The following PLEKHG6 variants were observed in gnomAD, a reference collection of about 807,000 sequenced individuals.
PLEKHG6 encodes the protein pleckstrin homology and RhoGEF domain containing G6, also known as pleckstrin homology domain-containing family G member 6.
Under a neutral mutation model 97.5 loss-of-function variants are expected in PLEKHG6, and 91 were observed. The ratio of observed to expected loss-of-function variants is 0.93; its 90% CI spans 0.79 to 1.11. The LOEUF (loss-of-function observed/expected upper bound fraction) is 1.11, where lower values mean the gene tolerates loss of function less well. Ranked by LOEUF, PLEKHG6 falls within the 50% of genes most tolerant of loss-of-function variation. The pLI, the probability that PLEKHG6 is intolerant of heterozygous loss-of-function variation, is 0.00. For synonymous variants in PLEKHG6, 466 were observed against 425.5 expected (o/e 1.10, Z -1.17); for missense variants, 1,044 against 1,031.0 (o/e 1.01, Z -0.17).
At position 6,327,856 on chromosome 12, in the gene PLEKHG6, G is replaced by C. The variant is rs778176627; in HGVS notation, c.2273G>C (p.Arg758Pro). 1.3e-6 allele frequency: 2 copies of C among 1,503,650 alleles called. No individual in the cohort carries two copies. Among genetic ancestry groups the C allele is most frequent in the Admixed American group, 2.3e-5 (1 of 42,662 alleles). The allele number at this position is 1,503,650 out of a possible 1,614,324, so 93.1% of individuals were successfully genotyped here. The change falls in exon 15 of 16, where the codon CGG (arginine) becomes CCG (proline). Residue 758 changes from arginine to proline, a missense_variant. Physicochemically the swap from Arg to Pro is moderately radical, Grantham distance 103. Transcript: ENST00000684764. ...SQRIEGAEEP[R>P]DSRPRKLTRA... is the part of the protein sequence containing the mutation. ...AGGATTGAGGGGGCCGAGGAGCCCCGGGACAGCAGGCCACGGAAGCTGACT... is the reference window on the plus strand; with the variant it reads ...AGGATTGAGGGGGCCGAGGAGCCCCCGGACAGCAGGCCACGGAAGCTGACT...
In PLEKHG6 at chr12:6,327,923, G is replaced by T; in HGVS notation, c.2340G>T (p.Gln780His). ...GGATGCGGGGGCCCCACATCATTCA[G>T]CTGGACACCCCTCTGTCCGCATCGT... The part of the protein sequence containing the change: ...LQRMRGPHII[Q>H]LDTPLSASEV The change falls in exon 15 of 16, where the codon CAG becomes CAT. Residue 780 changes from glutamine to histidine, a missense_variant. Transcript: ENST00000684764. 6.7e-7 allele frequency: 1 copy of T among 1,482,994 alleles called. No individual in the cohort carries two copies. The allele number at this position is 1,482,994 out of a possible 1,614,324, so 91.9% of individuals were successfully genotyped here.
intron 2 of PLEKHG6, chr12:6,312,791 A>G: frequency 8.4e-7 from 1 of 1,197,296 alleles, no homozygotes; most frequent in African/African-American, 1.5e-5. Context: ...AGTGGTGGGT[A>G]GGGACAGGAG....
At position 6,315,959 on chromosome 12, in the gene PLEKHG6, C is replaced by A. The variant is rs1947443215; in HGVS notation, c.606+40C>A. 6 of 1,526,108 alleles carry A rather than the reference C, an allele frequency of 3.9e-6. No homozygotes were observed. Among genetic ancestry groups the A allele is most frequent in the Non-Finnish European group, 5.3e-6 (6 of 1,124,216 alleles). 94.5% of individuals were successfully genotyped at this position (1,526,108 alleles called of 1,614,324 possible). On this transcript the variant is annotated intron_variant, in intron 6 of 15. Coordinates refer to ENST00000684764, the MANE Select transcript of PLEKHG6 (RefSeq NM_001384598.1). This position sits in a 1 kb window ranked among gnomAD's most constrained non-coding sequence, Gnocchi z 4.5. Reference sequence around the variant, plus strand: ...AGGAGGGGACCCTGGCACAGCCCGACCTCTGAGCCTGGGGATGAGGGTGGG... The same window carrying A: ...AGGAGGGGACCCTGGCACAGCCCGAACTCTGAGCCTGGGGATGAGGGTGGG...
chr12:6,313,750 TG>T lies in PLEKHG6; in HGVS notation c.265del (p.Ala89LeufsTer20). 6.2e-7 allele frequency: 1 copy of T among 1,606,542 alleles called. No individual in the cohort carries two copies. The highest frequency in any genetic ancestry group is 8.5e-7 in the Non-Finnish European group (1 of 1,176,490). ...CCCGAGAAGAGGCACGGGGGCCATGTGGGGGCTGGCCTGCTTCACTCCCCCA... is the reference window on the plus strand; with the variant it reads ...CCCGAGAAGAGGCACGGGGGCCATGTGGGGCTGGCCTGCTTCACTCCCCCA... ...PEPEKRHGGH[V>X]GAGLLHSPKL... is the part of the protein sequence containing the mutation. On this transcript the variant is annotated frameshift_variant, in exon 3 of 16. Transcript: ENST00000684764. LOFTEE classifies it high-confidence loss of function.
In PLEKHG6 at chr12:6,315,744, C is replaced by G. The variant is rs993042110; in HGVS notation, c.555+95C>G. 1 of 1,202,330 alleles carries G rather than the reference C, an allele frequency of 8.3e-7. No homozygotes were observed. The highest frequency in any genetic ancestry group is 1.5e-5 in the African/African-American group (1 of 66,302). 74.5% of individuals were successfully genotyped at this position (1,202,330 alleles called of 1,614,324 possible). A position where few individuals can be genotyped will look rare whatever the true frequency, so the allele number is the denominator to read the frequency against. On this transcript the variant is annotated intron_variant, in intron 5 of 15. Coordinates refer to ENST00000684764, the MANE Select transcript of PLEKHG6 (RefSeq NM_001384598.1). The surrounding 1 kb of genome is among the most constrained non-coding windows in gnomAD (Gnocchi z 4.5). ...GGCAGGTCACTGGGGGAGGGAGGGG[C>G]AGGATTTCAGGCCAGTCTGGGATGC...
In PLEKHG6 at chr12:6,327,695, C is replaced by CG; in HGVS notation, c.2116dup (p.Glu706GlyfsTer31). 3 of 1,560,376 alleles carry CG rather than the reference C, an allele frequency of 1.9e-6. No homozygotes were observed. Among genetic ancestry groups the CG allele is most frequent in the South Asian group, 1.2e-5 (1 of 84,188 alleles). ...CCTCCCCAACCCATGCTGACTCTGCCGGGGAAAGCCCCTGGGAGTCCTCAG... is the reference window on the plus strand; with the variant it reads ...CCTCCCCAACCCATGCTGACTCTGCCGGGGGAAAGCCCCTGGGAGTCCTCAG... On this transcript the variant is annotated frameshift_variant, in exon 15 of 16. Transcript: ENST00000684764. LOFTEE classifies it high-confidence loss of function.
rs1171442974 is a variant in PLEKHG6 at position 6,318,380 on chromosome 12, T to C, written c.1235T>C (p.Leu412Pro). 1.2e-6 allele frequency: 2 copies of C among 1,612,478 alleles called. No homozygotes were observed. The highest frequency in any genetic ancestry group is 1.7e-6 in the Non-Finnish European group (2 of 1,179,430). Reference sequence around the variant, plus strand: ...TCTGAGCACACCAGACAGCTGCTGCTGGAGGGGCCTGTGCGAGTGAAGGAG... The same window carrying C: ...TCTGAGCACACCAGACAGCTGCTGCCGGAGGGGCCTGTGCGAGTGAAGGAG... ...VASEHTRQLLLEGPVRVKEGR... is the reference protein window; with the variant it reads ...VASEHTRQLLPEGPVRVKEGR... Residue 412 changes from leucine (L) to proline (P), a missense_variant, in exon 11 of 16, where the codon CTG becomes CCG. Leu to Pro is a moderately conservative substitution (Grantham distance 98). Transcript: ENST00000684764.
Position 6,315,663 on chromosome 12 carries a change from AGCCCCAGCCCCG to A in PLEKHG6, c.555+21_555+32del. On this transcript the variant is annotated intron_variant, in intron 5 of 15. Coordinates refer to ENST00000684764, the MANE Select transcript of PLEKHG6 (RefSeq NM_001384598.1). This position sits in a 1 kb window ranked among gnomAD's most constrained non-coding sequence, Gnocchi z 4.5. The stretch of plus-strand genomic sequence containing the variant: ...ATCATGACTGATGTGAGCCCCCCTC[AGCCCCAGCCCCG>A]GCCCCATCTTCCCTGCATGAGCCCC... The A allele has an allele frequency of 6.6e-7, 1 of 1,514,542 alleles. No individual in the cohort carries two copies. Among genetic ancestry groups the A allele is most frequent in the Non-Finnish European group, 9.1e-7 (1 of 1,102,866 alleles). 93.8% of individuals were successfully genotyped at this position (1,514,542 alleles called of 1,614,324 possible).
rs942845911 is a variant in PLEKHG6, at chr12:6,328,403, C to T, written c.*258C>T. On this transcript the variant is annotated 3_prime_UTR_variant, in exon 16 of 16. Transcript: ENST00000684764. ...GGCATGGCTGCCTGTAATCCCAGCA[C>T]TTTGGGAGGCTGAGGTGGGAGGATC... The T allele has an allele frequency of 6.6e-6, 3 of 454,466 alleles. No homozygotes were observed. Among genetic ancestry groups the T allele is most frequent in the South Asian group, 6.7e-5 (2 of 29,824 alleles). 28.2% of individuals were successfully genotyped at this position (454,466 alleles called of 1,614,324 possible).
At chr12:6,312,472 C>T in intron 2 of PLEKHG6, 108 bp downstream of exon 2, 3 of 1,272,060 alleles carry the variant, frequency 2.4e-6, no homozygotes, top group Non-Finnish European at 3.2e-6. Flanking sequence ...CTATTCCTGC[C>T]CCTTACCCTA....
chr12:6,327,974 G>A lies in PLEKHG6; in HGVS notation c.2363+28G>A, dbSNP rs769038415. Reference sequence around the variant, plus strand: ...AAGTGCTGGAGGGAAGCTGGCCTGGGAGGGGGCAGACGGGGATGTCTGTAT... The same window carrying A: ...AAGTGCTGGAGGGAAGCTGGCCTGGAAGGGGGCAGACGGGGATGTCTGTAT... On this transcript the variant is annotated intron_variant, in intron 15 of 15. Coordinates refer to ENST00000684764, the MANE Select transcript of PLEKHG6 (RefSeq NM_001384598.1). 7 of 1,514,962 alleles carry A rather than the reference G, an allele frequency of 4.6e-6. No individual in the cohort carries two copies. In the East Asian group the frequency reaches 9.2e-5, roughly 20 times the overall value. The allele number at this position is 1,514,962 out of a possible 1,614,324, so 93.8% of individuals were successfully genotyped here. A position where few individuals can be genotyped will look rare whatever the true frequency, so the allele number is the denominator to read the frequency against.
At chr12:6,327,046 C>T (rs1947883373) in intron 14 of PLEKHG6, among the ~76,000 whole-genome samples, 1 of 152,156 alleles carries the variant, frequency 6.6e-6, no homozygotes, top group African/African-American at 2.4e-5. Flanking sequence ...GGACCAGATG[C>T]TATGGATAAA....
intron 14 of PLEKHG6, 68 bp downstream of exon 14, chr12:6,326,641 A>G: frequency 7.5e-7 from 1 of 1,332,712 alleles, no homozygotes; most frequent in Non-Finnish European, 9.8e-7. Flanking sequence ...GAGAAATGGC[A>G]TTACTGCACA....
chr12:6,311,000 A>G (rs73259229), intron 1 of PLEKHG6, 152 bp downstream of exon 1: 8,950 of 152,328 alleles, frequency 0.059, 872 homozygotes, highest in African/African-American at 0.2. Flanking sequence ...GGTAGGGAGC[A>G]GTGCGAGGGA....
rs977003952 is a variant in PLEKHG6 at position 6,315,115 on chromosome 12, C to T, written c.405C>T (p.Gly135=). 2 of 1,612,704 alleles carry T rather than the reference C, an allele frequency of 1.2e-6. No homozygotes were observed. The highest frequency in any genetic ancestry group is 1.1e-5 in the South Asian group (1 of 91,066). Residue 135 remains glycine (G), a synonymous_variant, in exon 4 of 16, where the codon GGC becomes GGT. Transcript: ENST00000684764. This position sits in a 1 kb window ranked among gnomAD's most constrained non-coding sequence, Gnocchi z 4.5. The part of the protein sequence containing the change: ...DRRHWEIGEG[G]DSGLTIEKSW... ...GGCACTGGGAGATAGGAGAGGGTGG[C>T]GACAGTGGCCTGACCATCGAGAAGT...
At chr12:6,325,845 A>AC (rs1481853250) in intron 13 of PLEKHG6, among the ~76,000 whole-genome samples, 1 of 151,332 alleles carries the variant, frequency 6.6e-6, no homozygotes, top group African/African-American at 2.4e-5. Context: ...CACCCCACTC[A>AC]CCCCCAACAC....
chr12:6,320,977 C>T (rs1947682950), intron 13 of PLEKHG6, among the ~76,000 whole-genome samples: 2 of 151,900 alleles, frequency 1.3e-5, no homozygotes, highest in Non-Finnish European at 2.9e-5. Context: ...GGCCTGGATG[C>T]GCTTGAGTTA....
At chr12:6,325,601 C>T (rs1465301273) in intron 13 of PLEKHG6, among the ~76,000 whole-genome samples, 1 of 152,192 alleles carries the variant, frequency 6.6e-6, no homozygotes, top group Non-Finnish European at 1.5e-5. Context: ...GGGACAAAGC[C>T]CACCTCTGCC....
At chr12:6,314,513 G>GA (rs768263395) in intron 3 of PLEKHG6, among the ~76,000 whole-genome samples, 3,798 of 145,772 alleles carry the variant, frequency 0.026, 157 homozygotes, top group African/African-American at 0.088. Flanking sequence ...GTCTCAAAAG[G>GA]AAAAAAAAAA....
Sources: gnomAD v4.1 joint callset for allele counts (sites outside exome capture counted in the v4.1 genomes callset) on GRCh38, gnomAD v4.1.1 for gene constraint, Gnocchi (gnomAD v3.1) non-coding constraint, MANE v1.5 for transcripts, NCBI Gene and HGNC (gene_info 2026-07-23, HGNC 2026-07-21) for gene names.